The following STX18 variants were observed in gnomAD, a reference collection of about 807,000 sequenced individuals.
STX18 encodes the protein syntaxin 18.
In STX18, 40 loss-of-function variants were observed where a neutral mutation model predicts 50.1. The ratio of observed to expected loss-of-function variants is 0.80; its 90% CI spans 0.62 to 1.04. The LOEUF (loss-of-function observed/expected upper bound fraction) is 1.04. Ranked by LOEUF, STX18 falls within the 50% of genes least tolerant of loss-of-function variation. The pLI is 0.00. For synonymous variants in STX18, 158 were observed against 151.8 expected (o/e 1.04, Z -0.30); for missense variants, 410 against 415.8 (o/e 0.99, Z 0.12).
intron 1 of STX18, among the ~76,000 whole-genome samples, chr4:4,505,499 G>A (rs1729658665): frequency 6.6e-6 from 1 of 152,206 alleles, no homozygotes; most frequent in African/African-American, 2.4e-5. Context: ...GAAGTATGGG[G>A]ATGGGTGTGG....
intron 3 of STX18, among the ~76,000 whole-genome samples, chr4:4,458,157 AT>A (rs1343555497): frequency 2.6e-5 from 4 of 152,348 alleles, no homozygotes; most frequent in African/African-American, 9.6e-5. Flanking sequence ...ACTGCTAGTA[AT>A]TACAATAGCA....
At chr4:4,499,399 A>G in intron 1 of STX18, 1 of 657,526 alleles carries the variant, frequency 1.5e-6, no homozygotes, top group Non-Finnish European at 1.9e-6. Flanking sequence ...AAATATTCAA[A>G]GATTTTTCAA....
At chr4:4,483,561 T>A (rs993352226) in intron 1 of STX18, among the ~76,000 whole-genome samples, 1 of 152,204 alleles carries the variant, frequency 6.6e-6, no homozygotes, top group Non-Finnish European at 1.5e-5. Flanking sequence ...TTCCCACTAT[T>A]TCTGAAGCTC....
intron 1 of STX18, among the ~76,000 whole-genome samples, chr4:4,476,623 A>G (rs1237392374): frequency 1.3e-5 from 2 of 152,238 alleles, no homozygotes; most frequent in Non-Finnish European, 2.9e-5. Context: ...TTAAGGAATA[A>G]TAAATTTCAG....
At chr4:4,471,762 G>A (rs1727932737) in intron 1 of STX18, 56 bp from the exon 2 acceptor site, 2 of 1,243,526 alleles carry the variant, frequency 1.6e-6, no homozygotes, top group South Asian at 1.5e-5. Flanking sequence ...CTCATGTAAT[G>A]AATTTTAAAT....
rs553210964 is a variant in STX18, at chr4:4,450,524, G to A, written c.497+6667C>T. Among the ~76,000 whole-genome samples, 9 of 152,174 alleles carry A rather than the reference G, an allele frequency of 5.9e-5. No individual in the cohort carries two copies. The East Asian group carries it at 1.4e-3, about 23-fold the overall frequency. Reference sequence around the variant, plus strand: ...TTGCCATATTGCCCAGGCTGGTCCCGAACTCCCGGCCTCAAGCAATCCACC... The same window carrying A: ...TTGCCATATTGCCCAGGCTGGTCCCAAACTCCCGGCCTCAAGCAATCCACC... On this transcript the variant is annotated intron_variant, in intron 5 of 10. Coordinates refer to ENST00000306200, the MANE Select transcript of STX18 (RefSeq NM_016930.4).
At position 4,491,117 on chromosome 4, in the gene STX18, T is replaced by TAA. The variant is rs146689302; in HGVS notation, c.169-19413_169-19412dup. Among the ~76,000 whole-genome samples the TAA allele has an allele frequency of 1.1e-4, 16 of 145,646 alleles. No homozygotes were observed. The South Asian group carries it at 1.3e-3, about 12-fold the overall frequency. On this transcript the variant is annotated intron_variant, in intron 1 of 10. Transcript: ENST00000306200. ...CATTCAACTTAATTTTCTTGTCTCT[T>TAA]AAAAAAAAAAAAAGAAGGAAAGTGT...
chr4:4,471,534 A>T, intron 2 of STX18, 105 bp downstream of exon 2: 1 of 721,840 alleles, frequency 1.4e-6, no homozygotes. Context: ...TCCTCATTAC[A>T]ACTCTGAGTT....
intron 1 of STX18, among the ~76,000 whole-genome samples, chr4:4,516,246 TGTAAG>T (rs1278757083): frequency 6.6e-6 from 1 of 152,214 alleles, no homozygotes; most frequent in Non-Finnish European, 1.5e-5. Context: ...TATGATTGCC[TGTAAG>T]GTCAGACTTT....
chr4:4,508,892 C>T (rs531944707), intron 1 of STX18, among the ~76,000 whole-genome samples: 2 of 152,286 alleles, frequency 1.3e-5, no homozygotes, highest in East Asian at 3.9e-4. Flanking sequence ...AGGACATGAT[C>T]GTGTTCCTTT....
Position 4,523,910 on chromosome 4 carries a change from A to C in STX18, c.168+17887T>G, listed in dbSNP as rs566914093. Among the ~76,000 whole-genome samples, 120 of 152,242 alleles carry C rather than the reference A, an allele frequency of 7.9e-4. 1 individual carries two copies. Among genetic ancestry groups the C allele is most frequent in the Non-Finnish European group, 1.3e-3 (91 of 68,010 alleles). On this transcript the variant is annotated intron_variant, in intron 1 of 10. Transcript: ENST00000306200. ...TTTTTACCCTTCAAGGCTTAACTCA[A>C]AACTCACCTCTCCTGTTATGCCCTC...
intron 3 of STX18, among the ~76,000 whole-genome samples, chr4:4,459,050 A>ACACACACACACG (rs1727232823): frequency 1.5e-5 from 2 of 131,048 alleles, no homozygotes; most frequent in African/African-American, 3.2e-5. Flanking sequence ...GCCACACAGA[A>ACACACACACACG]CACACACACA....
At chr4:4,450,981 C>T (rs536401381) in intron 5 of STX18, among the ~76,000 whole-genome samples, 1 of 152,304 alleles carries the variant, frequency 6.6e-6, no homozygotes, top group East Asian at 1.9e-4. Context: ...GAGTGCCTTT[C>T]TTTTCTTAAG....
intron 7 of STX18, chr4:4,425,639 A>C: frequency 5.7e-6 from 1 of 176,380 alleles, no homozygotes; most frequent in Admixed American, 5.6e-5. Context: ...ATGGAGAAGG[A>C]TCTGGTGTGG....
intron 1 of STX18, among the ~76,000 whole-genome samples, chr4:4,527,155 G>C (rs549800277): frequency 1.1e-4 from 17 of 152,188 alleles, no homozygotes; most frequent in Non-Finnish European, 2.5e-4. Context: ...TCAAGAGGTA[G>C]AGCTAGCCTG....
chr4:4,492,353 T>C (rs987078262), intron 1 of STX18, among the ~76,000 whole-genome samples: 2 of 152,132 alleles, frequency 1.3e-5, no homozygotes, highest in African/African-American at 4.8e-5. Flanking sequence ...TTAATTGACT[T>C]TTGAATTGTG....
At chr4:4,500,243 A>G (rs1026084151) in intron 1 of STX18, among the ~76,000 whole-genome samples, 1 of 152,196 alleles carries the variant, frequency 6.6e-6, no homozygotes, top group Non-Finnish European at 1.5e-5. Flanking sequence ...GTAATAATAT[A>G]TGCTTTTCCA....
rs187430985 is a variant in STX18, at chr4:4,458,472, G to C, written c.352+900C>G. On this transcript the variant is annotated intron_variant, in intron 3 of 10. Transcript: ENST00000306200. The stretch of plus-strand genomic sequence containing the variant: ...TTGCTTCCATCAGAGTCTCCAAGTG[G>C]TCCGTCAGCATTCTAATAAAAACCT... Among the ~76,000 whole-genome samples, 22 of 152,232 alleles carry C rather than the reference G, an allele frequency of 1.4e-4. No individual in the cohort carries two copies. In the East Asian group the frequency reaches 3.5e-3, roughly 24 times the overall value.
At chr4:4,491,630 T>G (rs958981292) in intron 1 of STX18, among the ~76,000 whole-genome samples, 3 of 152,126 alleles carry the variant, frequency 2.0e-5, no homozygotes, top group African/African-American at 7.2e-5. Flanking sequence ...CAAAGCTGCT[T>G]AGAAAATGGC....
Sources: allele counts gnomAD v4.1 joint callset (sites outside exome capture counted in the v4.1 genomes callset), GRCh38; gene constraint gnomAD v4.1.1; transcripts MANE v1.5; gene names NCBI Gene and HGNC (gene_info 2026-07-23, HGNC 2026-07-21).